ELMO1: variants seen among roughly 807,000 people sequenced by gnomAD.
ELMO1 encodes the protein engulfment and cell motility 1.
A neutral mutation model predicts 98.9 loss-of-function variants in ELMO1; 26 were observed. That is an observed-to-expected ratio of 0.26 (90% confidence interval 0.19 to 0.36). The LOEUF (loss-of-function observed/expected upper bound fraction) is 0.36, where lower values mean the gene tolerates loss of function less well. Ranked by LOEUF, ELMO1 falls within the 10% of genes least tolerant of loss-of-function variation. ELMO1 has a pLI of 1.00. For missense variants in ELMO1, 627 were observed against 935.2 expected, an observed-to-expected ratio of 0.67 and a Z score of 4.30; for synonymous variants, 346 against 346.0, an observed-to-expected ratio of 1.00 and a Z score of 0.00.
chr7:36,871,808 T>C (rs779833880), intron 19 of ELMO1, among the ~76,000 whole-genome samples: 2 of 152,190 alleles, frequency 1.3e-5, no homozygotes, highest in Non-Finnish European at 2.9e-5. Flanking sequence ...TTGACACTCC[T>C]AGAATATTAA....
intron 1 of ELMO1, among the ~76,000 whole-genome samples, chr7:37,349,059 C>T (rs1801140863): frequency 6.6e-6 from 1 of 152,158 alleles, no homozygotes; most frequent in Non-Finnish European, 1.5e-5. Flanking sequence ...AACCGTGTGT[C>T]CCCTCCCCTA....
chr7:36,944,786 T>C (rs897628172), intron 16 of ELMO1, among the ~76,000 whole-genome samples: 8 of 152,164 alleles, frequency 5.3e-5, no homozygotes, highest in East Asian at 3.8e-4. Flanking sequence ...AGTGAAAACA[T>C]AGGCCCTCAT....
intron 21 of ELMO1, among the ~76,000 whole-genome samples, chr7:36,861,143 AGCGT>A (rs1802597037): frequency 6.6e-6 from 1 of 152,248 alleles, no homozygotes; most frequent in African/African-American, 2.4e-5. Context: ...TATAGCTGAC[AGCGT>A]GCTACAAGAA....
chr7:37,346,278 C>G (rs372902225), intron 1 of ELMO1, among the ~76,000 whole-genome samples: 1 of 152,198 alleles, frequency 6.6e-6, no homozygotes. Flanking sequence ...GAGTGTAAAT[C>G]AGCACAGCTT....
chr7:37,171,871 C>A (rs908048623), intron 13 of ELMO1, among the ~76,000 whole-genome samples: 1 of 152,190 alleles, frequency 6.6e-6, no homozygotes, highest in African/African-American at 2.4e-5. Flanking sequence ...ACCCCATCAA[C>A]TTCTAAACAC....
intron 6 of ELMO1, among the ~76,000 whole-genome samples, chr7:37,253,526 A>G (rs1795469802): frequency 6.6e-6 from 1 of 152,182 alleles, no homozygotes; most frequent in Non-Finnish European, 1.5e-5. Flanking sequence ...GAGTTGAACA[A>G]TGAGAACACA....
At position 37,086,330 on chromosome 7, in the gene ELMO1, C is replaced by CTGTGTGTGTGTGTGTG. The variant is rs58906590; in HGVS notation, c.1300+10273_1300+10288dup. On this transcript the variant is annotated intron_variant, in intron 15 of 21. Coordinates refer to ENST00000310758, the MANE Select transcript of ELMO1 (RefSeq NM_014800.11). The stretch of plus-strand genomic sequence containing the variant: ...GAAACATTTTTGTAACAATACATGA[C>CTGTGTGTGTGTGTGTG]TGTGTGTGTGTGTGTGTGTGTGTGT... 4.9e-5 allele frequency among the ~76,000 whole-genome samples: 7 copies of CTGTGTGTGTGTGTGTG among 143,182 alleles called. No homozygotes were observed. The East Asian group carries it at 1.0e-3, about 21-fold the overall frequency. 93.9% of individuals were successfully genotyped at this position (143,182 alleles called of 152,430 possible). A position where few individuals can be genotyped will look rare whatever the true frequency, so the allele number is the denominator to read the frequency against.
intron 12 of ELMO1, 104 bp from the exon 13 acceptor site, chr7:37,211,621 G>A: frequency 1.4e-6 from 2 of 1,411,448 alleles, no homozygotes; most frequent in Non-Finnish European, 9.5e-7. Context: ...ATGAATCACT[G>A]CATTCAGGCA....
chr7:37,155,709 C>T (rs1788711751), intron 13 of ELMO1, among the ~76,000 whole-genome samples: 1 of 151,966 alleles, frequency 6.6e-6, no homozygotes, highest in Non-Finnish European at 1.5e-5. Context: ...ACTCAGACTC[C>T]CACTAAATAA....
intron 13 of ELMO1, among the ~76,000 whole-genome samples, chr7:37,210,497 C>T (rs1792895253): frequency 1.3e-5 from 2 of 150,570 alleles, no homozygotes; most frequent in African/African-American, 4.9e-5. Context: ...CAGATATATA[C>T]ATTGTGTGTA....
intron 15 of ELMO1, among the ~76,000 whole-genome samples, chr7:37,047,415 T>G (rs1245324376): frequency 1.3e-5 from 2 of 152,212 alleles, no homozygotes; most frequent in Admixed American, 6.5e-5. Flanking sequence ...CATGACACCT[T>G]GGCCCCAGTT....
At chr7:36,955,996 G>A (rs777036559) in intron 16 of ELMO1, among the ~76,000 whole-genome samples, 5 of 152,112 alleles carry the variant, frequency 3.3e-5, no homozygotes, top group African/African-American at 4.8e-5. Flanking sequence ...TAGACCACTC[G>A]ATGCTTTAGA....
chr7:37,337,165 G>A (rs1800457854), intron 2 of ELMO1, among the ~76,000 whole-genome samples: 1 of 152,160 alleles, frequency 6.6e-6, no homozygotes, highest in Non-Finnish European at 1.5e-5. Context: ...GTCCAACAAT[G>A]ATAGACTGGA....
At chr7:37,414,890 C>T (rs1028048391) in intron 1 of ELMO1, among the ~76,000 whole-genome samples, 14 of 152,158 alleles carry the variant, frequency 9.2e-5, no homozygotes, top group Non-Finnish European at 2.9e-5. Context: ...TGCAAAAACA[C>T]TAATAATCCT....
chr7:36,929,011 G>C (rs1340954303), intron 16 of ELMO1, among the ~76,000 whole-genome samples: 1 of 152,232 alleles, frequency 6.6e-6, no homozygotes, highest in Non-Finnish European at 1.5e-5. Context: ...GCTACATGCT[G>C]CATCTGCCCT....
intron 15 of ELMO1, chr7:37,033,480 T>C: frequency 2.4e-6 from 1 of 417,354 alleles, no homozygotes; most frequent in South Asian, 1.7e-5. Flanking sequence ...GTCTAGGCCA[T>C]GTGTTTAGTG....
intron 15 of ELMO1, among the ~76,000 whole-genome samples, chr7:37,083,708 G>A (rs1783605025): frequency 6.6e-6 from 1 of 152,208 alleles, no homozygotes; most frequent in Non-Finnish European, 1.5e-5. Flanking sequence ...CTGGGAGGAA[G>A]AAAGCGAGCT....
intron 19 of ELMO1, among the ~76,000 whole-genome samples, chr7:36,872,743 T>G (rs1213350355): frequency 6.6e-6 from 1 of 152,220 alleles, no homozygotes; most frequent in Non-Finnish European, 1.5e-5. Context: ...TTGGCTGACT[T>G]TCCAATGGAA....
At chr7:36,983,246 A>C (rs1434609163) in intron 16 of ELMO1, among the ~76,000 whole-genome samples, 1 of 152,264 alleles carries the variant, frequency 6.6e-6, no homozygotes, top group Non-Finnish European at 1.5e-5. Flanking sequence ...GAGATGGTGC[A>C]TCACACAGTA....
Sources: allele counts gnomAD v4.1 joint callset (sites outside exome capture counted in the v4.1 genomes callset), GRCh38; gene constraint gnomAD v4.1.1; transcripts MANE v1.5; gene names NCBI Gene and HGNC (gene_info 2026-07-23, HGNC 2026-07-21).